ZC3H3: variants seen among roughly 807,000 people sequenced by gnomAD.
ZC3H3 encodes zinc finger CCCH-type containing 3.
In ZC3H3, 36 loss-of-function variants were observed where a neutral mutation model predicts 77.3. The ratio of observed to expected loss-of-function variants is 0.47; its 90% CI spans 0.36 to 0.61. The LOEUF (loss-of-function observed/expected upper bound fraction) is 0.61. Among genes scored for constraint, ZC3H3 ranks in the 20% least tolerant of loss-of-function variants. The probability of loss-of-function intolerance (pLI) is 0.00; values close to 1 mark genes in which losing one functional copy is unlikely to be tolerated. For synonymous variants in ZC3H3, 626 were observed against 555.2 expected, an observed-to-expected ratio of 1.13 and a Z score of -1.79; for missense variants, 1,331 against 1,312.2, an observed-to-expected ratio of 1.01 and a Z score of -0.22.
At chr8:143,468,810 C>T in intron 5 of ZC3H3, 151 bp from the exon 6 acceptor site, 2 of 1,066,474 alleles carry the variant, frequency 1.9e-6, no homozygotes, top group Non-Finnish European at 2.6e-6. Context: ...GCTCCCCTCC[C>T]CACAGTGGTT....
At chr8:143,472,572 C>A (rs894164790) in intron 5 of ZC3H3, among the ~76,000 whole-genome samples, 2 of 152,204 alleles carry the variant, frequency 1.3e-5, no homozygotes, top group African/African-American at 4.8e-5. Flanking sequence ...GGGTGGTGGG[C>A]ACCGTGTCTG....
At chr8:143,453,358 A>T (rs1820036133) in intron 9 of ZC3H3, among the ~76,000 whole-genome samples, 1 of 152,118 alleles carries the variant, frequency 6.6e-6, no homozygotes. Flanking sequence ...CAAAATGTTG[A>T]GATTACAGGA....
At position 143,538,883 on chromosome 8, in the gene ZC3H3, C is replaced by A. The variant is rs1174192456; in HGVS notation, c.484G>T (p.Gly162Cys). ...TGTCCCCGAGGGGGCTCACCTTCAC[C>A]TTCCCGGGGCCTTTGGTCACTCCAG... ...TPWSDQRPRE[G>C]EGEPPRGQLQ... Residue 162 changes from glycine (G) to cysteine (C), a missense_variant, in exon 2 of 12, where the codon GGT becomes TGT. Coordinates refer to ENST00000262577, the MANE Select transcript of ZC3H3 (RefSeq NM_015117.3). The A allele has an allele frequency of 6.2e-7, 1 of 1,612,676 alleles. No homozygotes were observed. The highest frequency in any genetic ancestry group is 1.7e-5 in the Admixed American group (1 of 60,006).
At chr8:143,517,896 C>T (rs563790747) in intron 3 of ZC3H3, among the ~76,000 whole-genome samples, 45 of 152,338 alleles carry the variant, frequency 3.0e-4, no homozygotes, top group African/African-American at 9.6e-4. Context: ...CTCAGATACT[C>T]GAGGGCGGAA....
chr8:143,515,838 G>C (rs369625089), intron 3 of ZC3H3, among the ~76,000 whole-genome samples: 39 of 152,346 alleles, frequency 2.6e-4, no homozygotes, highest in African/African-American at 9.4e-4. Flanking sequence ...TGGACACACC[G>C]GCCGCCTCTA....
Position 143,539,028 on chromosome 8 carries a change from T to C in ZC3H3, c.339A>G (p.Arg113=). 1 of 1,613,002 alleles carries C rather than the reference T, an allele frequency of 6.2e-7. No individual in the cohort carries two copies. The highest frequency in any genetic ancestry group is 8.5e-7 in the Non-Finnish European group (1 of 1,180,024). ...PPVPQQHVLE[R]QVQLSQGQNV... is the part of the protein sequence containing the mutation. ...TCTGACCCTGACTGAGCTGGACCTG[T>C]CTCTCAAGGACATGCTGCTGCGGGA... is the stretch of plus-strand genomic sequence containing the variant. The change falls in exon 2 of 12, where the codon AGA becomes AGG. Residue 113 remains arginine (R), a synonymous_variant. Coordinates refer to ENST00000262577, the MANE Select transcript of ZC3H3 (RefSeq NM_015117.3).
intron 3 of ZC3H3, among the ~76,000 whole-genome samples, chr8:143,531,375 C>G (rs1175726603): frequency 6.6e-6 from 1 of 152,178 alleles, no homozygotes; most frequent in Non-Finnish European, 1.5e-5. Context: ...CCCAGGAATC[C>G]CCTGCCCCGC....
In ZC3H3 at chr8:143,460,033, G is replaced by A. The variant is rs1197391042; in HGVS notation, c.2307+5684C>T. ...AGGCCAAGGCAGGCGGATCATCTGAGGTCACGAGTTTGAGACCAGCCTGGC... is the reference window on the plus strand; with the variant it reads ...AGGCCAAGGCAGGCGGATCATCTGAAGTCACGAGTTTGAGACCAGCCTGGC... On this transcript the variant is annotated intron_variant, in intron 9 of 11. Transcript: ENST00000262577. The surrounding 1 kb of genome is among the most constrained non-coding windows in gnomAD (Gnocchi z 4.0). Among the ~76,000 whole-genome samples the A allele has an allele frequency of 2.6e-5, 4 of 151,764 alleles. No individual in the cohort carries two copies. Among genetic ancestry groups the A allele is most frequent in the African/African-American group, 7.3e-5 (3 of 41,126 alleles).
At chr8:143,484,190 T>C (rs1586911994) in intron 4 of ZC3H3, among the ~76,000 whole-genome samples, 1 of 152,080 alleles carries the variant, frequency 6.6e-6, no homozygotes, top group South Asian at 2.1e-4. Flanking sequence ...ACTCGTGGGG[T>C]GGAGGCTCTG....
intron 1 of ZC3H3, among the ~76,000 whole-genome samples, chr8:143,539,822 A>G (rs1822950477): frequency 6.6e-6 from 1 of 152,202 alleles, no homozygotes; most frequent in Non-Finnish European, 1.5e-5. Flanking sequence ...GAATACTAGG[A>G]GCAGAGGCCA....
At chr8:143,470,291 C>G (rs1820528057) in intron 5 of ZC3H3, among the ~76,000 whole-genome samples, 1 of 152,226 alleles carries the variant, frequency 6.6e-6, no homozygotes, top group African/African-American at 2.4e-5. Context: ...GCGAGCCCGG[C>G]TGGGGCAGGA....
At chr8:143,529,911 A>C (rs1038013672) in intron 3 of ZC3H3, among the ~76,000 whole-genome samples, 12 of 152,172 alleles carry the variant, frequency 7.9e-5, no homozygotes, top group Non-Finnish European at 1.6e-4. Context: ...CCTGGCACCT[A>C]GTGACACCAG....
intron 3 of ZC3H3, among the ~76,000 whole-genome samples, chr8:143,517,756 G>C (rs1404675320): frequency 6.6e-6 from 1 of 152,170 alleles, no homozygotes; most frequent in Non-Finnish European, 1.5e-5. Context: ...CTGCCGGATT[G>C]AGAACGCCTC....
At position 143,461,342 on chromosome 8, in the gene ZC3H3, A is replaced by G. The variant is rs184564802; in HGVS notation, c.2307+4375T>C. 2.0e-5 allele frequency among the ~76,000 whole-genome samples: 3 copies of G among 152,308 alleles called. No individual in the cohort carries two copies. The East Asian group carries it at 5.8e-4, about 29-fold the overall frequency. On this transcript the variant is annotated intron_variant, in intron 9 of 11. Transcript: ENST00000262577. Reference sequence around the variant, plus strand: ...GCCCACCAGAACGGGTGTGCCAGAAAGGCAGATACCCAGAGCTAGCGAGGA... The same window carrying G: ...GCCCACCAGAACGGGTGTGCCAGAAGGGCAGATACCCAGAGCTAGCGAGGA...
chr8:143,452,220 G>A (rs1050538766), intron 9 of ZC3H3, among the ~76,000 whole-genome samples: 3 of 152,236 alleles, frequency 2.0e-5, no homozygotes, highest in Non-Finnish European at 4.4e-5. Flanking sequence ...TGAAAAGCCA[G>A]GACATTCACC....
At chr8:143,524,189 G>A (rs942987336) in intron 3 of ZC3H3, among the ~76,000 whole-genome samples, 6 of 152,204 alleles carry the variant, frequency 3.9e-5, no homozygotes, top group African/African-American at 1.4e-4. Context: ...CAACATGGCC[G>A]GCACAGAGCA....
At position 143,538,949 on chromosome 8, in the gene ZC3H3, C is replaced by A. The variant is rs568680713; in HGVS notation, c.418G>T (p.Gly140Trp). The A allele has an allele frequency of 6.8e-6, 11 of 1,613,068 alleles. No homozygotes were observed. Among genetic ancestry groups the A allele is most frequent in the South Asian group, 6.6e-5 (6 of 91,090 alleles). Reference sequence around the variant, plus strand: ...TCTTCCAAAGAGCCCCGCTGGGCCCCTGAGGCACTGGCAGAGCCAGACTTT... The same window carrying A: ...TCTTCCAAAGAGCCCCGCTGGGCCCATGAGGCACTGGCAGAGCCAGACTTT... Reference protein sequence around the residue: ...PSKSGSASASGAQRGSLEEFE... With the variant: ...PSKSGSASASWAQRGSLEEFE... Residue 140 changes from glycine to tryptophan, a missense_variant, in exon 2 of 12, where the codon GGG (glycine) becomes TGG (tryptophan). Transcript: ENST00000262577.
chr8:143,463,977 TAAC>T (rs1820338275), intron 9 of ZC3H3, among the ~76,000 whole-genome samples: 2 of 152,384 alleles, frequency 1.3e-5, no homozygotes, highest in South Asian at 4.1e-4. Context: ...GAAGCAAGGT[TAAC>T]AATTTCACTT....
intron 11 of ZC3H3, among the ~76,000 whole-genome samples, chr8:143,439,394 G>C (rs528695071): frequency 3.9e-5 from 6 of 152,338 alleles, no homozygotes; most frequent in African/African-American, 1.2e-4. Context: ...TCGCAAATTT[G>C]CAGCCCGCCG....
Sources: allele counts gnomAD v4.1 joint callset (sites outside exome capture counted in the v4.1 genomes callset), GRCh38; gene constraint gnomAD v4.1.1; non-coding constraint Gnocchi (gnomAD v3.1); transcripts MANE v1.5; gene names NCBI Gene and HGNC (gene_info 2026-07-23, HGNC 2026-07-21).